The following ITPKC variants were observed in gnomAD, a reference collection of about 807,000 sequenced individuals.
ITPKC encodes IP3 3-kinase C.
ITPKC carries 33 observed loss-of-function variants against 67.1 expected under a neutral mutation model. The ratio of observed to expected loss-of-function variants is 0.49; its 90% CI spans 0.37 to 0.66. The LOEUF (loss-of-function observed/expected upper bound fraction) is 0.66, where lower values mean the gene tolerates loss of function less well. ITPKC is among the 30% of genes least tolerant of loss of function. The probability of loss-of-function intolerance (pLI) is 0.00; values close to 1 mark genes in which losing one functional copy is unlikely to be tolerated. For synonymous variants in ITPKC, 341 were observed against 359.8 expected, an observed-to-expected ratio of 0.95 and a Z score of 0.59; for missense variants, 820 against 892.1, an observed-to-expected ratio of 0.92 and a Z score of 1.03.
intron 4 of ITPKC, among the ~76,000 whole-genome samples, chr19:40,733,682 G>T (rs1396545690): frequency 6.6e-6 from 1 of 152,120 alleles, no homozygotes; most frequent in Admixed American, 6.6e-5. Context: ...AGAGCTGGAG[G>T]GATCCCTTTC....
At chr19:40,731,257 C>T (rs954114801) in intron 3 of ITPKC, among the ~76,000 whole-genome samples, 7 of 152,286 alleles carry the variant, frequency 4.6e-5, no homozygotes, top group Non-Finnish European at 5.9e-5. Context: ...GTCAGACTAG[C>T]GGGCAGGAGA....
intron 1 of ITPKC, among the ~76,000 whole-genome samples, chr19:40,722,442 A>G (rs936187695): frequency 2.0e-5 from 3 of 152,086 alleles, no homozygotes; most frequent in African/African-American, 4.8e-5. Flanking sequence ...TGGATTGGGG[A>G]GGGACTAGCC....
rs1349137397 is a variant in ITPKC, at chr19:40,740,628, C to G, written c.*1068C>G. On this transcript the variant is annotated 3_prime_UTR_variant, in exon 7 of 7. Transcript: ENST00000263370. Reference sequence around the variant, plus strand: ...CTCCAGCACCCATAGCCAGGTCTTCCTGGCCCTTGAGGCTGGGCTGGCGGA... The same window carrying G: ...CTCCAGCACCCATAGCCAGGTCTTCGTGGCCCTTGAGGCTGGGCTGGCGGA... 3.9e-6 allele frequency: 1 copy of G among 259,674 alleles called. No homozygotes were observed. Among genetic ancestry groups the G allele is most frequent in the Non-Finnish European group, 7.3e-6 (1 of 137,128 alleles). 16.1% of individuals were successfully genotyped at this position (259,674 alleles called of 1,614,324 possible).
intron 1 of ITPKC, among the ~76,000 whole-genome samples, chr19:40,721,427 G>C (rs1243566542): frequency 6.6e-6 from 1 of 151,552 alleles, no homozygotes; most frequent in Non-Finnish European, 1.5e-5. Flanking sequence ...CTGAAGTGCA[G>C]TGGCGAGATC....
chr19:40,717,260 C>G lies in ITPKC; in HGVS notation c.125C>G (p.Pro42Arg). The G allele has an allele frequency of 7.2e-7, 1 of 1,385,536 alleles. No homozygotes were observed. Among genetic ancestry groups the G allele is most frequent in the Non-Finnish European group, 9.3e-7 (1 of 1,076,260 alleles). The allele number at this position is 1,385,536 out of a possible 1,614,324, so 85.8% of individuals were successfully genotyped here. A position where few individuals can be genotyped will look rare whatever the true frequency, so the allele number is the denominator to read the frequency against. Reference sequence around the variant, plus strand: ...CGGCGGCAGCCGGGACAGCAGCGACCTGGGCCCGGCGCAGGGGCCCCGGCG... The same window carrying G: ...CGGCGGCAGCCGGGACAGCAGCGACGTGGGCCCGGCGCAGGGGCCCCGGCG... ...GRRRQPGQQR[P>R]GPGAGAPAGR... The change falls in exon 1 of 7, where the codon CCT becomes CGT. Residue 42 changes from proline (P) to arginine (R), a missense_variant. Pro to Arg is a moderately radical substitution (Grantham distance 103, BLOSUM62 -2). Coordinates refer to ENST00000263370, the MANE Select transcript of ITPKC (RefSeq NM_025194.3).
chr19:40,735,421 G>A (rs1490369642), intron 4 of ITPKC, among the ~76,000 whole-genome samples: 1 of 151,312 alleles, frequency 6.6e-6, no homozygotes, highest in Admixed American at 6.6e-5. Context: ...GCTCACTGCA[G>A]CCTCAATCTC....
At chr19:40,726,556 C>T (rs2082247304) in intron 2 of ITPKC, among the ~76,000 whole-genome samples, 3 of 152,180 alleles carry the variant, frequency 2.0e-5, no homozygotes, top group Non-Finnish European at 4.4e-5. Context: ...TCCAATAAAA[C>T]TTTATTTGCA....
At chr19:40,725,155 G>A (rs2082240603) in intron 1 of ITPKC, among the ~76,000 whole-genome samples, 185 bp from the exon 2 acceptor site, 1 of 152,066 alleles carries the variant, frequency 6.6e-6, no homozygotes, top group Non-Finnish European at 1.5e-5. Flanking sequence ...AGGGCTTTGG[G>A]CGATCATGTG....
At chr19:40,727,333 C>A (rs546913907) in intron 2 of ITPKC, among the ~76,000 whole-genome samples, 17 of 117,694 alleles carry the variant, frequency 1.4e-4, no homozygotes, top group African/African-American at 4.7e-4. Context: ...GACTCTGTCT[C>A]AAAAATAAAT....
chr19:40,729,236 G>A lies in ITPKC; in HGVS notation c.1290G>A (p.Leu430=). ...AGGCAGGAGAGGATGGTCGGATTCT[G>A]AAACGTTTCTGTCAGTGTGAGCAGC... The part of the protein sequence containing the change: ...NFQAGEDGRI[L]KRFCQCEQRS... Residue 430 remains leucine, a synonymous_variant, in exon 3 of 7, where the codon CTG becomes CTA. Transcript: ENST00000263370. The A allele has an allele frequency of 8.7e-6, 14 of 1,614,148 alleles. No homozygotes were observed. Among genetic ancestry groups the A allele is most frequent in the Non-Finnish European group, 1.1e-5 (13 of 1,180,022 alleles).
chr19:40,740,396 G>A lies in ITPKC; in HGVS notation c.*836G>A, dbSNP rs1348117894. The A allele has an allele frequency of 5.9e-6, 1 of 168,736 alleles. No individual in the cohort carries two copies. Among genetic ancestry groups the A allele is most frequent in the African/African-American group, 2.4e-5 (1 of 41,848 alleles). 10.5% of individuals were successfully genotyped at this position (168,736 alleles called of 1,614,324 possible). ...CCCAGCAAACTGCAGTGGCAGAAAG[G>A]AGGTTCAGAGGCTGGGAAAGTGGGC... is the stretch of plus-strand genomic sequence containing the variant. On this transcript the variant is annotated 3_prime_UTR_variant, in exon 7 of 7. Coordinates refer to ENST00000263370, the MANE Select transcript of ITPKC (RefSeq NM_025194.3).
In ITPKC at chr19:40,717,510, A is replaced by G; in HGVS notation, c.375A>G (p.Glu125=). 1 of 1,614,094 alleles carries G rather than the reference A, an allele frequency of 6.2e-7. No individual in the cohort carries two copies. The highest frequency in any genetic ancestry group is 2.2e-5 in the East Asian group (1 of 44,854). The change falls in exon 1 of 7, where the codon GAA becomes GAG. Residue 125 remains glutamate, a synonymous_variant. Transcript: ENST00000263370. The stretch of plus-strand genomic sequence containing the variant: ...GGTCCAGCCTCCGGACGCATCTAGA[A>G]TGGAGCTGGTCAGAGCTGGAGACGA... ...PDRSSLRTHL[E]WSWSELETTC...
chr19:40,726,730 A>G (rs530550483), intron 2 of ITPKC, among the ~76,000 whole-genome samples: 1 of 152,288 alleles, frequency 6.6e-6, no homozygotes, highest in African/African-American at 2.4e-5. Context: ...TCTGGTTACT[A>G]TTGCTGAGTT....
chr19:40,733,001 C>CATAAAAAG (rs2082278714), intron 3 of ITPKC, among the ~76,000 whole-genome samples, 159 bp from the exon 4 acceptor site: 1 of 152,172 alleles, frequency 6.6e-6, no homozygotes, highest in African/African-American at 2.4e-5. Flanking sequence ...GTCATAACTG[C>CATAAAAAG]ACAACTCTAC....
intron 1 of ITPKC, among the ~76,000 whole-genome samples, chr19:40,721,607 G>A (rs1420817913): frequency 1.3e-5 from 2 of 151,866 alleles, no homozygotes; most frequent in Admixed American, 1.3e-4. Context: ...GACCTCAGGT[G>A]ATCCACCCAC....
At chr19:40,734,932 C>G (rs1489880177) in intron 4 of ITPKC, among the ~76,000 whole-genome samples, 1 of 152,088 alleles carries the variant, frequency 6.6e-6, no homozygotes, top group African/African-American at 2.4e-5. Context: ...CAGGTGTGCA[C>G]CACCGCTCCT....
intron 1 of ITPKC, among the ~76,000 whole-genome samples, chr19:40,719,460 C>G (rs1437623949): frequency 6.6e-6 from 1 of 152,026 alleles, no homozygotes; most frequent in Non-Finnish European, 1.5e-5. Context: ...TATTAACTCA[C>G]TCACTCCTCG....
intron 3 of ITPKC, among the ~76,000 whole-genome samples, chr19:40,731,617 T>TTTTTG (rs796649467): frequency 0.095 from 12,705 of 134,156 alleles, 553 homozygotes; most frequent in Non-Finnish European, 0.14. Flanking sequence ...TTTTTTTTTT[T>TTTTTG]TTTGAGAGGG....
chr19:40,734,520 G>C (rs542423701), intron 4 of ITPKC, among the ~76,000 whole-genome samples: 1 of 152,078 alleles, frequency 6.6e-6, no homozygotes, highest in Non-Finnish European at 1.5e-5. Flanking sequence ...TCTCCTGTTC[G>C]AAACCCTTCT....
Sources: allele counts gnomAD v4.1 joint callset (sites outside exome capture counted in the v4.1 genomes callset), GRCh38; gene constraint gnomAD v4.1.1; transcripts MANE v1.5; gene names NCBI Gene and HGNC (gene_info 2026-07-23, HGNC 2026-07-21).